Variants in SLC25A17 observed in about 807,000 individuals in gnomAD.
SLC25A17 encodes solute carrier family 25 member 17, also known as peroxisomal membrane protein PMP34.
Under a neutral mutation model 38.5 loss-of-function variants are expected in SLC25A17, and 26 were observed. The observed-to-expected ratio is 0.68, with a 90% CI of 0.50 to 0.94. SLC25A17 has a LOEUF of 0.94. Ranked by LOEUF, SLC25A17 falls within the 40% of genes least tolerant of loss-of-function variation. SLC25A17 has a pLI of 0.00. For missense variants in SLC25A17, 333 were observed against 372.7 expected (o/e 0.89, Z 0.88); for synonymous variants, 139 against 136.2 (o/e 1.02, Z -0.14).
At position 40,789,336 on chromosome 22, in the gene SLC25A17, A is replaced by G. The variant is rs2057365338; in HGVS notation, c.334+3189T>C. The G allele has an allele frequency of 6.5e-6, 1 of 152,876 alleles. No homozygotes were observed. Among genetic ancestry groups the G allele is most frequent in the Non-Finnish European group, 1.5e-5 (1 of 68,512 alleles). The allele number at this position is 152,876 out of a possible 1,614,324, so 9.5% of individuals were successfully genotyped here. On this transcript the variant is annotated intron_variant, in intron 4 of 8. Coordinates refer to ENST00000435456, the MANE Select transcript of SLC25A17 (RefSeq NM_006358.4). This position sits in a 1 kb window ranked among gnomAD's most constrained non-coding sequence, Gnocchi z 4.5. ...GCGGTGCCCGGACCCCGGACCAGCC[A>G]CGGGGTGGGAAGGGGCGTGAGCTCT... is the stretch of plus-strand genomic sequence containing the variant.
intron 4 of SLC25A17, among the ~76,000 whole-genome samples, chr22:40,791,724 A>G (rs1602605637): frequency 6.6e-6 from 1 of 152,354 alleles, no homozygotes; most frequent in East Asian, 1.9e-4. Context: ...GATGGCTACT[A>G]TCATAAAACA....
chr22:40,813,710 C>T lies in SLC25A17; in HGVS notation c.54+5485G>A, dbSNP rs1182229904. 6.6e-5 allele frequency among the ~76,000 whole-genome samples: 10 copies of T among 152,230 alleles called. No homozygotes were observed. The East Asian group carries it at 1.9e-3, about 29-fold the overall frequency. On this transcript the variant is annotated intron_variant, in intron 1 of 8. Coordinates refer to ENST00000435456, the MANE Select transcript of SLC25A17 (RefSeq NM_006358.4). ...CTGCACTCCAGCCTGGGCGACAGAG[C>T]GAGACTGAGTTTCAAAAACAAAAAC...
intron 1 of SLC25A17, among the ~76,000 whole-genome samples, chr22:40,809,470 T>TTA (rs1555883510): frequency 1.3e-5 from 2 of 148,294 alleles, no homozygotes; most frequent in Non-Finnish European, 3.0e-5. Flanking sequence ...ACAAAAAAAT[T>TTA]AAAAAAAAAA....
chr22:40,819,253 G>A lies in SLC25A17; in HGVS notation c.-5C>T, dbSNP rs1048566. The stretch of plus-strand genomic sequence containing the variant: ...GTAGGACAGCACGGAAGCCATTGGT[G>A]CGGCTCCTCGAAGACCCAGCCACAC... On this transcript the variant is annotated 5_prime_UTR_variant, in exon 1 of 9. Coordinates refer to ENST00000435456, the MANE Select transcript of SLC25A17 (RefSeq NM_006358.4). 166 of 1,613,628 alleles carry A rather than the reference G, an allele frequency of 1.0e-4. No homozygotes were observed. Among genetic ancestry groups the A allele is most frequent in the Non-Finnish European group, 1.3e-4 (158 of 1,179,954 alleles).
rs2057173252 is a variant in SLC25A17, at chr22:40,770,760, G to C, written c.*74C>G. 1 of 1,452,684 alleles carries C rather than the reference G, an allele frequency of 6.9e-7. No individual in the cohort carries two copies. The highest frequency in any genetic ancestry group is 9.3e-7 in the Non-Finnish European group (1 of 1,072,682). The allele number at this position is 1,452,684 out of a possible 1,614,324, so 90.0% of individuals were successfully genotyped here. ...TGTGGTGGCAGGAGCCAGAGTCAAG[G>C]GAGAATCACTTCTCTTCACTCAGGA... is the stretch of plus-strand genomic sequence containing the variant. On this transcript the variant is annotated 3_prime_UTR_variant, in exon 9 of 9. Transcript: ENST00000435456.
chr22:40,814,791 T>TATA lies in SLC25A17; in HGVS notation c.54+4403_54+4404insTAT, dbSNP rs1568991013. ...TATATATATATATATATATATATATTGTTGTTGTTGTTGTTGTTTTGTTTT... is the reference window on the plus strand; with the variant it reads ...TATATATATATATATATATATATATTATAGTTGTTGTTGTTGTTGTTTTGTTTT... On this transcript the variant is annotated intron_variant, in intron 1 of 8. Transcript: ENST00000435456. 4.9e-5 allele frequency among the ~76,000 whole-genome samples: 6 copies of TATA among 122,622 alleles called. No individual in the cohort carries two copies. In the South Asian group the frequency reaches 7.3e-4, roughly 15 times the overall value. 80.4% of individuals were successfully genotyped at this position (122,622 alleles called of 152,430 possible). A position where few individuals can be genotyped will look rare whatever the true frequency, so the allele number is the denominator to read the frequency against.
At chr22:40,782,041 G>A (rs1004932480) in intron 4 of SLC25A17, among the ~76,000 whole-genome samples, 8 of 152,078 alleles carry the variant, frequency 5.3e-5, no homozygotes, top group African/African-American at 1.4e-4. Flanking sequence ...CCAACACGGC[G>A]AAACCCTGTT....
At chr22:40,818,705 G>A (rs1222951001) in intron 1 of SLC25A17, among the ~76,000 whole-genome samples, 3 of 135,996 alleles carry the variant, frequency 2.2e-5, no homozygotes, top group African/African-American at 5.9e-5. Context: ...GACCCTGTCC[G>A]GAAAAAAAAA....
At chr22:40,810,229 T>C (rs1203415921) in intron 1 of SLC25A17, among the ~76,000 whole-genome samples, 1 of 152,216 alleles carries the variant, frequency 6.6e-6, no homozygotes, top group Non-Finnish European at 1.5e-5. Flanking sequence ...GGTCCCTATC[T>C]TTTAGTGCAT....
chr22:40,803,820 G>GTTTTTTTTTTTTTTTTT (rs772323398), intron 1 of SLC25A17, among the ~76,000 whole-genome samples: 2 of 117,450 alleles, frequency 1.7e-5, no homozygotes, highest in Non-Finnish European at 3.7e-5. Flanking sequence ...GCTAGTTTTT[G>GTTTTTTTTTTTTTTTTT]TTTTTTTTTT....
chr22:40,784,784 CAAAAAAAAAA>C (rs71200616), intron 4 of SLC25A17, among the ~76,000 whole-genome samples: 1 of 96,356 alleles, frequency 1.0e-5, no homozygotes, highest in Non-Finnish European at 2.0e-5. Flanking sequence ...TCAACAACAA[CAAAAAAAAAA>C]AAAAAAAAAA....
rs769051549 is a variant in SLC25A17, at chr22:40,779,121, C to G, written c.339G>C (p.Val113=). 6.2e-7 allele frequency: 1 copy of G among 1,614,160 alleles called. No individual in the cohort carries two copies. Among genetic ancestry groups the G allele is most frequent in the Non-Finnish European group, 8.5e-7 (1 of 1,180,024 alleles). Residue 113 remains valine, a synonymous_variant, in exon 5 of 9, where the codon GTG becomes GTC. Transcript: ENST00000435456. Reference sequence around the variant, plus strand: ...GTGGAGTTGTTAGCAACACATTAACCACTCCTTTAACAAGAAAGATGGAGA... The same window carrying G: ...GTGGAGTTGTTAGCAACACATTAACGACTCCTTTAACAAGAAAGATGGAGA... ...KDLVVGFVAG[V]VNVLLTTPLW... is the part of the protein sequence containing the mutation.
At chr22:40,774,621 G>T (rs903237113) in intron 7 of SLC25A17, among the ~76,000 whole-genome samples, 14 of 152,206 alleles carry the variant, frequency 9.2e-5, no homozygotes, top group Admixed American at 2.0e-4. Context: ...TGCCCAGGAT[G>T]ATGATTTAGA....
chr22:40,781,269 G>T (rs1324168914), intron 4 of SLC25A17, among the ~76,000 whole-genome samples: 2 of 148,272 alleles, frequency 1.3e-5, no homozygotes, highest in Non-Finnish European at 3.0e-5. Context: ...TTTTTGAGAC[G>T]GAGTCTCGCT....
intron 4 of SLC25A17, chr22:40,779,414 A>G: frequency 1.5e-6 from 1 of 666,960 alleles, no homozygotes; most frequent in Non-Finnish European, 2.4e-6. Flanking sequence ...TTTATATACC[A>G]TTCAAAGTAG....
At chr22:40,790,565 T>A (rs2057377044) in intron 4 of SLC25A17, among the ~76,000 whole-genome samples, 1 of 152,166 alleles carries the variant, frequency 6.6e-6, no homozygotes, top group African/African-American at 2.4e-5. Context: ...CCAGTCCAGC[T>A]GTGTTAGGTA....
In SLC25A17 at chr22:40,777,093, C is replaced by T. The variant is rs2057251015; in HGVS notation, c.640G>A (p.Ala214Thr). ...GGATAGGTCACCGTGGTGGCAATCG[C>T]TTTGGCTACTGCACCAATGATGAAC... ...DVFIIGAVAK[A>T]IATTVTYPLQ... The change falls in exon 7 of 9, where the codon GCG (alanine) becomes ACG (threonine). Residue 214 changes from alanine (A) to threonine (T), a missense_variant. Coordinates refer to ENST00000435456, the MANE Select transcript of SLC25A17 (RefSeq NM_006358.4). 1 of 1,614,166 alleles carries T rather than the reference C, an allele frequency of 6.2e-7. No individual in the cohort carries two copies. The highest frequency in any genetic ancestry group is 8.5e-7 in the Non-Finnish European group (1 of 1,180,034).
intron 1 of SLC25A17, among the ~76,000 whole-genome samples, chr22:40,816,618 T>C (rs1243038585): frequency 6.6e-6 from 1 of 151,290 alleles, no homozygotes; most frequent in East Asian, 1.9e-4. Context: ...TGTTTTTTTT[T>C]TTTTTTCTTG....
In SLC25A17 at chr22:40,797,235, T is replaced by C. The variant is rs957052900; in HGVS notation, c.115+1788A>G. ...AAACTATAAAATTACCCAAAAATAG[T>C]AGGCATAAAGGGTTTAACCTTTGAA... On this transcript the variant is annotated intron_variant, in intron 2 of 8. Coordinates refer to ENST00000435456, the MANE Select transcript of SLC25A17 (RefSeq NM_006358.4). 70 of 854,918 alleles carry C rather than the reference T, an allele frequency of 8.2e-5. 1 individual carries two copies. The African/African-American group carries it at 1.1e-3, about 14-fold the overall frequency. The allele number at this position is 854,918 out of a possible 1,614,324, so 53.0% of individuals were successfully genotyped here.
Sources: gnomAD v4.1 joint callset for allele counts (sites outside exome capture counted in the v4.1 genomes callset) on GRCh38, gnomAD v4.1.1 for gene constraint, Gnocchi (gnomAD v3.1) non-coding constraint, MANE v1.5 for transcripts, NCBI Gene and HGNC (gene_info 2026-07-23, HGNC 2026-07-21) for gene names.